Variants in SOX6 observed in about 807,000 individuals in gnomAD.
The protein encoded by SOX6 is transcription factor SOX-6.
A neutral mutation model predicts 97.8 loss-of-function variants in SOX6; 11 were observed. The ratio of observed to expected loss-of-function variants is 0.11; its 90% CI spans 0.07 to 0.19. The LOEUF (loss-of-function observed/expected upper bound fraction) is 0.19, where lower values mean the gene tolerates loss of function less well. SOX6 is among the 10% of genes least tolerant of loss of function. The pLI is 1.00. For synonymous variants in SOX6, 360 were observed against 371.4 expected (o/e 0.97, Z 0.35); for missense variants, 810 against 1,039.5 (o/e 0.78, Z 3.04).
chr11:16,231,667 G>A (rs1419624877), intron 4 of SOX6, among the ~76,000 whole-genome samples: 1 of 151,660 alleles, frequency 6.6e-6, no homozygotes, highest in African/African-American at 2.4e-5. Context: ...AAGTTGATAA[G>A]TCTTAATAAA....
chr11:16,130,687 A>G (rs1214877716), intron 6 of SOX6, among the ~76,000 whole-genome samples: 1 of 152,014 alleles, frequency 6.6e-6, no homozygotes, highest in African/African-American at 2.4e-5. Context: ...AAACAATTAA[A>G]CAAATAAAAT....
chr11:16,416,201 A>T (rs1858923515), intron 1 of SOX6, among the ~76,000 whole-genome samples: 1 of 152,176 alleles, frequency 6.6e-6, no homozygotes, highest in South Asian at 2.1e-4. Context: ...TCAAACTTTA[A>T]CAGAAAGAAA....
intron 3 of SOX6, among the ~76,000 whole-genome samples, chr11:16,692,084 T>TGC (rs1564870336): frequency 7.8e-6 from 1 of 127,872 alleles, no homozygotes; most frequent in Non-Finnish European, 1.7e-5. Flanking sequence ...TGTGTGTGTG[T>TGC]GTGTGCGCGC....
intron 3 of SOX6, among the ~76,000 whole-genome samples, chr11:16,687,983 T>C (rs1015778876): frequency 1.3e-5 from 2 of 151,950 alleles, no homozygotes; most frequent in Non-Finnish European, 2.9e-5. Flanking sequence ...GCTTTAATAA[T>C]TTTTTTTGAC....
chr11:16,324,491 CTT>C (rs1350688497), intron 2 of SOX6, among the ~76,000 whole-genome samples: 3 of 152,178 alleles, frequency 2.0e-5, no homozygotes, highest in Middle Eastern at 3.4e-3. Context: ...AAATCATAGT[CTT>C]GCAGAAAATT....
At chr11:16,177,657 C>T (rs1007817965) in intron 6 of SOX6, among the ~76,000 whole-genome samples, 12 of 148,692 alleles carry the variant, frequency 8.1e-5, no homozygotes, top group African/African-American at 3.0e-4. Context: ...CTCATTCTCT[C>T]TCTCTCTCTC....
At chr11:16,303,524 T>C (rs1221966585) in intron 3 of SOX6, among the ~76,000 whole-genome samples, 1 of 152,238 alleles carries the variant, frequency 6.6e-6, no homozygotes, top group African/African-American at 2.4e-5. Context: ...TACAGCTGTA[T>C]AGTATGCCTT....
At chr11:16,500,165 T>A (rs953601407) in intron 4 of SOX6, among the ~76,000 whole-genome samples, 1 of 152,004 alleles carries the variant, frequency 6.6e-6, no homozygotes, top group Non-Finnish European at 1.5e-5. Flanking sequence ...CATGCGCAAA[T>A]CAATAAACGG....
intron 4 of SOX6, among the ~76,000 whole-genome samples, chr11:16,518,379 T>C (rs760431213): frequency 2.6e-5 from 4 of 152,228 alleles, no homozygotes; most frequent in Non-Finnish European, 4.4e-5. Flanking sequence ...ACTCTCCCAA[T>C]TGGAGTTAAT....
At chr11:16,082,770 C>T (rs1232476003) in intron 9 of SOX6, among the ~76,000 whole-genome samples, 1 of 152,132 alleles carries the variant, frequency 6.6e-6, no homozygotes. Flanking sequence ...TTCACTATAC[C>T]TTATACTACT....
At chr11:16,593,630 T>C (rs998002696) in intron 4 of SOX6, among the ~76,000 whole-genome samples, 7 of 152,212 alleles carry the variant, frequency 4.6e-5, no homozygotes, top group East Asian at 1.9e-4. Flanking sequence ...CATAAAGTGA[T>C]ATTTTTGTAC....
intron 3 of SOX6, among the ~76,000 whole-genome samples, chr11:16,644,963 A>G (rs1472696506): frequency 1.3e-5 from 2 of 152,222 alleles, no homozygotes; most frequent in African/African-American, 2.4e-5. Flanking sequence ...TAATCCAATC[A>G]GAGGGTTTAA....
intron 3 of SOX6, among the ~76,000 whole-genome samples, chr11:16,664,493 T>G (rs1307431158): frequency 6.6e-6 from 1 of 152,056 alleles, no homozygotes; most frequent in Non-Finnish European, 1.5e-5. Flanking sequence ...GGAGGGAGCA[T>G]TTAGACCAGA....
intron 10 of SOX6, among the ~76,000 whole-genome samples, chr11:16,051,125 C>T (rs998432639): frequency 1.3e-5 from 2 of 151,138 alleles, no homozygotes; most frequent in African/African-American, 2.4e-5. Context: ...GAAAGAGAGG[C>T]CAGAAAATAC....
rs71044096 is a variant in SOX6, at chr11:16,302,566, C to CTTTTTTTTTTTTTTTTTTT, written c.445+15861_445+15879dup. Among the ~76,000 whole-genome samples the CTTTTTTTTTTTTTTTTTTT allele has an allele frequency of 3.7e-3, 324 of 86,930 alleles. 1 individual carries two copies. The highest frequency in any genetic ancestry group is 4.7e-3 in the Non-Finnish European group (223 of 47,264). The allele number at this position is 86,930 out of a possible 152,430, so 57.0% of individuals were successfully genotyped here. On this transcript the variant is annotated intron_variant, in intron 3 of 15. Coordinates refer to ENST00000683767, the MANE Select transcript of SOX6 (RefSeq NM_001367873.1). ...CTACAGCATTTTTTTTTCTTTTTTT[C>CTTTTTTTTTTTTTTTTTTT]TTTTTTTTTTTTTTTTTTTTTTGAG...
intron 6 of SOX6, among the ~76,000 whole-genome samples, chr11:16,159,832 G>A (rs1251011285): frequency 6.6e-6 from 1 of 152,098 alleles, no homozygotes; most frequent in Non-Finnish European, 1.5e-5. Flanking sequence ...ACATTAGGTA[G>A]GTGAAACTTC....
chr11:16,359,659 C>T (rs1020376000), upstream of SOX6, among the ~76,000 whole-genome samples: 11 of 152,036 alleles, frequency 7.2e-5, no homozygotes, highest in African/African-American at 2.7e-4. Context: ...CATTTTAAGT[C>T]TCTACAAATG....
At chr11:16,207,869 A>G (rs1027213660) in intron 4 of SOX6, among the ~76,000 whole-genome samples, 1 of 152,158 alleles carries the variant, frequency 6.6e-6, no homozygotes, top group Non-Finnish European at 1.5e-5. Flanking sequence ...GGGCTGTGCA[A>G]TAAGGCCAGC....
In SOX6 at chr11:16,581,508, C is replaced by T. The variant is rs145647583; in HGVS notation, n.609+30573G>A. Among the ~76,000 whole-genome samples, 203 of 152,228 alleles carry T rather than the reference C, an allele frequency of 1.3e-3. 1 individual carries two copies. Among genetic ancestry groups the T allele is most frequent in the African/African-American group, 4.8e-3 (198 of 41,542 alleles). Reference sequence around the variant, plus strand: ...TAGTTAATGCATGAAGGGCTTAAAACCTAGATGACAGGTTGAGAGGTGCAG... The same window carrying T: ...TAGTTAATGCATGAAGGGCTTAAAATCTAGATGACAGGTTGAGAGGTGCAG... On this transcript the variant is annotated intron_variant and non_coding_transcript_variant, in intron 4 of 5. Transcript: ENST00000524520.
Sources: gnomAD v4.1 joint callset for allele counts (sites outside exome capture counted in the v4.1 genomes callset) on GRCh38, gnomAD v4.1.1 for gene constraint, MANE v1.5 for transcripts, NCBI Gene and HGNC (gene_info 2026-07-23, HGNC 2026-07-21) for gene names.